PIWIL2: variants seen among roughly 807,000 people sequenced by gnomAD.
The protein encoded by PIWIL2 is piwi-like protein 2.
A neutral mutation model predicts 116.5 loss-of-function variants in PIWIL2; 81 were observed. The observed-to-expected ratio is 0.70, with a 90% CI of 0.58 to 0.84. PIWIL2 has a LOEUF of 0.84. PIWIL2 is among the 40% of genes least tolerant of loss of function. The pLI is 0.00. For missense variants in PIWIL2, 1,272 were observed against 1,212.3 expected, an observed-to-expected ratio of 1.05 and a Z score of -0.73; for synonymous variants, 489 against 429.5, an observed-to-expected ratio of 1.14 and a Z score of -1.71.
chr8:22,355,191 A>C (rs1262322751), intron 22 of PIWIL2, among the ~76,000 whole-genome samples, 158 bp from the exon 23 acceptor site: 5 of 152,156 alleles, frequency 3.3e-5, no homozygotes, highest in African/African-American at 4.8e-5. Flanking sequence ...GTCCATTTAA[A>C]AATAGTGATT....
At chr8:22,349,674 A>G (rs1219902255) in intron 20 of PIWIL2, among the ~76,000 whole-genome samples, 1 of 152,082 alleles carries the variant, frequency 6.6e-6, no homozygotes, top group Non-Finnish European at 1.5e-5. Context: ...CTTTTAACAC[A>G]GCGAGTTAGT....
At position 22,322,049 on chromosome 8, in the gene PIWIL2, T is replaced by C; in HGVS notation, c.2403+3774T>C. 2 of 936,254 alleles carry C rather than the reference T, an allele frequency of 2.1e-6. 1 individual carries two copies. Among genetic ancestry groups the C allele is most frequent in the Middle Eastern group, 1.1e-3 (2 of 1,808 alleles). The allele number at this position is 936,254 out of a possible 1,614,324, so 58.0% of individuals were successfully genotyped here. ...TTTTTTTTTGTAAATAAACTTTTTA[T>C]TTTGGAATAAAAGTTGCAAAATAGG... On this transcript the variant is annotated intron_variant, in intron 20 of 22. Transcript: ENST00000356766.
rs1013418398 is a variant in PIWIL2, at chr8:22,306,739, G to C, written c.1545+723G>C. 5.3e-5 allele frequency among the ~76,000 whole-genome samples: 8 copies of C among 152,178 alleles called. 1 individual carries two copies. Among genetic ancestry groups the C allele is most frequent in the Admixed American group, 5.2e-4 (8 of 15,274 alleles). On this transcript the variant is annotated intron_variant, in intron 13 of 22. Coordinates refer to ENST00000356766, the MANE Select transcript of PIWIL2 (RefSeq NM_018068.5). ...AGTGAAGCTCCAAATTCCTATGAGAGATTTTTTTCATGTTTACCTTCCAGT... is the reference window on the plus strand; with the variant it reads ...AGTGAAGCTCCAAATTCCTATGAGACATTTTTTTCATGTTTACCTTCCAGT...
At chr8:22,277,948 C>T (rs140815091) in intron 1 of PIWIL2, among the ~76,000 whole-genome samples, 84 of 151,754 alleles carry the variant, frequency 5.5e-4, no homozygotes, top group African/African-American at 1.7e-3. Flanking sequence ...GTGGGCTGAT[C>T]GCCTGAGGTC....
intron 20 of PIWIL2, among the ~76,000 whole-genome samples, chr8:22,339,143 T>C (rs931061481): frequency 6.6e-6 from 1 of 152,310 alleles, no homozygotes; most frequent in East Asian, 1.9e-4. Flanking sequence ...AAGAATGACA[T>C]TGAAGCTCTT....
chr8:22,342,702 G>T (rs1476119766), intron 20 of PIWIL2, among the ~76,000 whole-genome samples: 1 of 152,016 alleles, frequency 6.6e-6, no homozygotes, highest in Non-Finnish European at 1.5e-5. Context: ...CTTTGGGTTT[G>T]GTGATTACTT....
chr8:22,342,175 T>C (rs1832126201), intron 20 of PIWIL2, among the ~76,000 whole-genome samples: 1 of 151,998 alleles, frequency 6.6e-6, no homozygotes, highest in Non-Finnish European at 1.5e-5. Flanking sequence ...ATCTTAAAAA[T>C]GGAGAGAGAT....
intron 10 of PIWIL2, among the ~76,000 whole-genome samples, chr8:22,297,004 T>G (rs1477844037): frequency 6.6e-6 from 1 of 152,168 alleles, no homozygotes; most frequent in Admixed American, 6.6e-5. Context: ...TTATTTTTAT[T>G]TTTTGATGGA....
intron 12 of PIWIL2, among the ~76,000 whole-genome samples, chr8:22,305,394 G>A (rs751514190): frequency 6.6e-5 from 10 of 151,946 alleles, no homozygotes; most frequent in South Asian, 4.1e-4. Context: ...GGGTTTCACC[G>A]TGTTAGCCAG....
chr8:22,292,042 G>GAGA (rs776255743), intron 10 of PIWIL2, among the ~76,000 whole-genome samples: 3 of 152,136 alleles, frequency 2.0e-5, no homozygotes, highest in Non-Finnish European at 4.4e-5. Context: ...CAGGTGAAGG[G>GAGA]AGAAGAAGCT....
chr8:22,350,337 T>A (rs1339744094), intron 20 of PIWIL2, among the ~76,000 whole-genome samples: 4 of 152,232 alleles, frequency 2.6e-5, no homozygotes, highest in Non-Finnish European at 5.9e-5. Context: ...ATCTCACACC[T>A]GTGATCTCAG....
At chr8:22,296,149 A>G (rs919735706) in intron 10 of PIWIL2, among the ~76,000 whole-genome samples, 6 of 149,704 alleles carry the variant, frequency 4.0e-5, no homozygotes, top group African/African-American at 9.9e-5. Flanking sequence ...TCCACCTCCC[A>G]GGTTCAAGCA....
chr8:22,318,339 CAG>C, intron 20 of PIWIL2, 64 bp downstream of exon 20: 1 of 875,416 alleles, frequency 1.1e-6, no homozygotes, highest in Non-Finnish European at 1.8e-6. Flanking sequence ...TTTTTTGAGA[CAG>C]AGTCTCACTC....
intron 1 of PIWIL2, among the ~76,000 whole-genome samples, chr8:22,278,247 G>A (rs576012352): frequency 1.3e-5 from 2 of 151,440 alleles, no homozygotes; most frequent in East Asian, 3.9e-4. Flanking sequence ...TTAGCCAGGT[G>A]CAGTGGCTCA....
intron 20 of PIWIL2, among the ~76,000 whole-genome samples, chr8:22,325,479 G>GTAT (rs1831701642): frequency 9.6e-6 from 1 of 103,688 alleles, no homozygotes; most frequent in Non-Finnish European, 2.0e-5. Context: ...TTTTGATTTA[G>GTAT]TCTTTTTTTT....
At chr8:22,332,942 A>G (rs1368715393) in intron 20 of PIWIL2, among the ~76,000 whole-genome samples, 5 of 152,156 alleles carry the variant, frequency 3.3e-5, no homozygotes, top group East Asian at 1.9e-4. Context: ...ATTTAAATCT[A>G]TTCCATCTAA....
intron 10 of PIWIL2, among the ~76,000 whole-genome samples, chr8:22,292,498 T>A (rs1830788818): frequency 6.6e-6 from 1 of 152,238 alleles, no homozygotes; most frequent in African/African-American, 2.4e-5. Flanking sequence ...AAGCTGAAGA[T>A]GCCTTGAACT....
rs1340734968 is a variant in PIWIL2, at chr8:22,305,167, A to ATATTTATTTATT, written c.1455+303_1455+304insTATTTATTTATT. Reference sequence around the variant, plus strand: ...TCTGAATCCATGAGGAAAGGTATAGATATTCATTTATTTATTTATTTATTT... The same window carrying ATATTTATTTATT: ...TCTGAATCCATGAGGAAAGGTATAGATATTTATTTATTTATTCATTTATTTATTTATTTATTT... On this transcript the variant is annotated intron_variant, in intron 12 of 22. Coordinates refer to ENST00000356766, the MANE Select transcript of PIWIL2 (RefSeq NM_018068.5). Among the ~76,000 whole-genome samples the ATATTTATTTATT allele has an allele frequency of 1.5e-4, 17 of 113,000 alleles. No homozygotes were observed. In the South Asian group the frequency reaches 1.8e-3, roughly 12 times the overall value. The allele number at this position is 113,000 out of a possible 152,430, so 74.1% of individuals were successfully genotyped here.
At chr8:22,326,019 T>G (rs1322920644) in intron 20 of PIWIL2, among the ~76,000 whole-genome samples, 4 of 152,020 alleles carry the variant, frequency 2.6e-5, no homozygotes, top group Admixed American at 6.6e-5. Flanking sequence ...CTTCACAGGG[T>G]TCAAGAGGAA....
Sources: gnomAD v4.1 joint callset for allele counts (sites outside exome capture counted in the v4.1 genomes callset) on GRCh38, gnomAD v4.1.1 for gene constraint, MANE v1.5 for transcripts, NCBI Gene and HGNC (gene_info 2026-07-23, HGNC 2026-07-21) for gene names.